TSNARE1: variants seen among roughly 807,000 people sequenced by gnomAD.
The protein encoded by TSNARE1 is t-SNARE domain-containing protein 1.
Under a neutral mutation model 62.0 loss-of-function variants are expected in TSNARE1, and 49 were observed. The ratio of observed to expected loss-of-function variants is 0.79; its 90% CI spans 0.63 to 1.00. TSNARE1 has a LOEUF of 1.00. TSNARE1 is among the 50% of genes least tolerant of loss of function. The pLI, the probability that TSNARE1 is intolerant of heterozygous loss-of-function variation, is 0.00. For missense variants in TSNARE1, 755 were observed against 700.1 expected (o/e 1.08, Z -0.88); for synonymous variants, 328 against 294.4 (o/e 1.11, Z -1.17).
At chr8:142,261,301 GGA>G (rs1180184834) in intron 12 of TSNARE1, among the ~76,000 whole-genome samples, 1 of 132,010 alleles carries the variant, frequency 7.6e-6, no homozygotes, top group Non-Finnish European at 1.6e-5. Context: ...GAGGAGGGAA[GGA>G]GAGAGGAAGG....
Position 142,343,844 on chromosome 8 carries a change from G to A in TSNARE1, c.745+122C>T, listed in dbSNP as rs565740520. ...AGGAGGAGGGGAGAGGGGAAGGGGA[G>A]GAAGAGGAGGAGGAGGAAAGTCACT... On this transcript the variant is annotated intron_variant, in intron 4 of 13. Transcript: ENST00000524325. 7 of 823,812 alleles carry A rather than the reference G, an allele frequency of 8.5e-6. No homozygotes were observed. The African/African-American group carries it at 1.4e-4, about 16-fold the overall frequency. The allele number at this position is 823,812 out of a possible 1,614,324, so 51.0% of individuals were successfully genotyped here. A position where few individuals can be genotyped will look rare whatever the true frequency, so the allele number is the denominator to read the frequency against.
At chr8:142,217,102 G>T (rs1188859199) in intron 13 of TSNARE1, among the ~76,000 whole-genome samples, 2 of 151,876 alleles carry the variant, frequency 1.3e-5, no homozygotes, top group African/African-American at 2.4e-5. Context: ...AATTAGCAAG[G>T]CATGGTGGCA....
intron 12 of TSNARE1, chr8:142,272,865 G>A (rs1586929988): frequency 1.0e-6 from 1 of 982,598 alleles, no homozygotes; most frequent in African/African-American, 1.8e-5. Context: ...CTTCACAGAT[G>A]CCTCAACCCT....
At chr8:142,253,662 C>T (rs954604780) in intron 12 of TSNARE1, among the ~76,000 whole-genome samples, 11 of 152,244 alleles carry the variant, frequency 7.2e-5, no homozygotes, top group African/African-American at 2.7e-4. Context: ...GCCCTGACAT[C>T]ACCAACTTCC....
intron 1 of TSNARE1, among the ~76,000 whole-genome samples, chr8:142,393,791 G>A (rs947528258): frequency 2.0e-5 from 3 of 152,194 alleles, no homozygotes; most frequent in Non-Finnish European, 4.4e-5. Context: ...AAAGGTGGCC[G>A]GTTCACAGCA....
chr8:142,295,389 T>C (rs924192823), intron 10 of TSNARE1, among the ~76,000 whole-genome samples: 3 of 152,212 alleles, frequency 2.0e-5, no homozygotes, highest in African/African-American at 4.8e-5. Flanking sequence ...TGGAGGGAGC[T>C]TGTGCACTGA....
intron 1 of TSNARE1, among the ~76,000 whole-genome samples, chr8:142,392,769 C>T (rs748457464): frequency 6.6e-6 from 1 of 151,962 alleles, no homozygotes; most frequent in South Asian, 2.1e-4. Context: ...GGCGAAACCC[C>T]GTCTCTACTA....
chr8:142,313,858 C>T (rs1487774721), intron 9 of TSNARE1, among the ~76,000 whole-genome samples: 1 of 152,184 alleles, frequency 6.6e-6, no homozygotes, highest in Non-Finnish European at 1.5e-5. Flanking sequence ...ACTGGAACCT[C>T]GGCCCTGCCT....
At chr8:142,328,060 G>A (rs912892139) in intron 6 of TSNARE1, among the ~76,000 whole-genome samples, 1 of 151,950 alleles carries the variant, frequency 6.6e-6, no homozygotes, top group Admixed American at 6.6e-5. Context: ...AAAGCCCCAA[G>A]GGGAGCGGGT....
chr8:142,300,783 G>GAC, intron 9 of TSNARE1, 139 bp from the exon 10 acceptor site: 28 of 1,092,532 alleles, frequency 2.6e-5, no homozygotes, highest in Admixed American at 5.2e-5. Context: ...GGTCTGAGGC[G>GAC]GGGGCCTTCT....
intron 12 of TSNARE1, among the ~76,000 whole-genome samples, chr8:142,230,207 A>C (rs998503231): frequency 2.6e-5 from 4 of 152,184 alleles, no homozygotes; most frequent in African/African-American, 9.6e-5. Context: ...CAGGTCCTGA[A>C]TGTGGGGTGG....
chr8:142,279,444 G>A (rs1045067012), intron 11 of TSNARE1, among the ~76,000 whole-genome samples: 6 of 152,198 alleles, frequency 3.9e-5, no homozygotes, highest in Non-Finnish European at 7.4e-5. Context: ...CCCTCACCAG[G>A]CACTGGTCCC....
At chr8:142,398,401 T>C (rs888904970) in intron 1 of TSNARE1, among the ~76,000 whole-genome samples, 1 of 124,454 alleles carries the variant, frequency 8.0e-6, no homozygotes, top group Non-Finnish European at 1.7e-5. Context: ...CCCCAAAATA[T>C]GCCCCCAAAC....
chr8:142,315,910 C>T (rs1032478914), intron 7 of TSNARE1, among the ~76,000 whole-genome samples: 3 of 152,244 alleles, frequency 2.0e-5, no homozygotes, highest in Admixed American at 1.3e-4. Context: ...AAAGCGTCCA[C>T]GGCCCACAGA....
intron 12 of TSNARE1, chr8:142,271,501 G>C (rs1035906311): frequency 7.5e-7 from 1 of 1,330,294 alleles, no homozygotes; most frequent in Non-Finnish European, 9.6e-7. Flanking sequence ...AAGAGGGCGG[G>C]GAAGGCTGGA....
At position 142,241,916 on chromosome 8, in the gene TSNARE1, G is replaced by A. The variant is rs558125509; in HGVS notation, c.1447-12337C>T. Among the ~76,000 whole-genome samples the A allele has an allele frequency of 8.1e-4, 120 of 148,334 alleles. 2 individuals carry two copies. Among genetic ancestry groups the A allele is most frequent in the African/African-American group, 2.6e-3 (108 of 40,964 alleles). On this transcript the variant is annotated intron_variant, in intron 12 of 13. Coordinates refer to ENST00000524325, the MANE Select transcript of TSNARE1 (RefSeq NM_145003.5). ...TCTAAACCTACGATCTCCATCTCAC[G>A]CCATATACAACAATCAACTCAAAAT...
chr8:142,315,478 T>C (rs1348383450), intron 7 of TSNARE1, among the ~76,000 whole-genome samples: 4 of 152,100 alleles, frequency 2.6e-5, no homozygotes, highest in African/African-American at 9.7e-5. Flanking sequence ...ACCATCCCCC[T>C]CCCCAGCATC....
In TSNARE1 at chr8:142,345,886, G is replaced by C. The variant is rs1314784614; in HGVS notation, c.95C>G (p.Ala32Gly). The C allele has an allele frequency of 1.2e-6, 2 of 1,613,588 alleles. No individual in the cohort carries two copies. Among genetic ancestry groups the C allele is most frequent in the East Asian group, 2.2e-5 (1 of 44,844 alleles). ...GATTCCATACTCGGTCCAACATCTA[G>C]CGCACTCTACGGACAGCAAGGGACA... The part of the protein sequence containing the change: ...SRQGCQPLEC[A>G]RCWTEYGIRH... Residue 32 changes from alanine (A) to glycine (G), a missense_variant, in exon 3 of 14, where the codon GCT (alanine) becomes GGT (glycine). Transcript: ENST00000524325.
At chr8:142,294,022 C>G (rs1457067069) in intron 10 of TSNARE1, among the ~76,000 whole-genome samples, 2 of 152,090 alleles carry the variant, frequency 1.3e-5, no homozygotes, top group African/African-American at 4.8e-5. Flanking sequence ...GCAGCTGGGA[C>G]AGGGGCAGGG....
Sources: allele counts gnomAD v4.1 joint callset (sites outside exome capture counted in the v4.1 genomes callset), GRCh38; gene constraint gnomAD v4.1.1; transcripts MANE v1.5; gene names NCBI Gene and HGNC (gene_info 2026-07-23, HGNC 2026-07-21).